MCPH1: variants seen among roughly 807,000 people sequenced by gnomAD.
MCPH1 encodes microcephalin.
MCPH1 carries 104 observed loss-of-function variants against 84.5 expected under a neutral mutation model. The ratio of observed to expected loss-of-function variants is 1.23; its 90% CI spans 1.05 to 1.45. The LOEUF (loss-of-function observed/expected upper bound fraction) is 1.45. MCPH1 is among the 40% of genes most tolerant of loss of function. The pLI is 0.00. For synonymous variants in MCPH1, 514 were observed against 366.8 expected, an observed-to-expected ratio of 1.40 and a Z score of -4.58; for missense variants, 1,498 against 1,005.7, an observed-to-expected ratio of 1.49 and a Z score of -6.62.
intron 11 of MCPH1, among the ~76,000 whole-genome samples, chr8:6,491,238 A>C (rs1216758821): frequency 6.6e-6 from 1 of 151,584 alleles, no homozygotes; most frequent in African/African-American, 2.4e-5. Flanking sequence ...TTGCCATACA[A>C]TTAAAGTATT....
chr8:6,578,990 G>T (rs1163203951), intron 12 of MCPH1, among the ~76,000 whole-genome samples: 1 of 152,214 alleles, frequency 6.6e-6, no homozygotes. Context: ...CAGAACAGTG[G>T]AGCTGCATGA....
chr8:6,409,411 C>G (rs1465092463), intron 2 of MCPH1, 41 bp downstream of exon 2: 1 of 1,461,140 alleles, frequency 6.8e-7, no homozygotes, highest in Non-Finnish European at 9.6e-7. Context: ...TGACAGTCTT[C>G]TGATTGGTAA....
chr8:6,637,234 G>A (rs559176348), intron 13 of MCPH1, among the ~76,000 whole-genome samples: 1 of 152,242 alleles, frequency 6.6e-6, no homozygotes, highest in African/African-American at 2.4e-5. Context: ...GAGAAGACAG[G>A]CAGCAAACAA....
intron 12 of MCPH1, chr8:6,532,574 TAAAAAA>T: frequency 3.4e-6 from 2 of 589,544 alleles, no homozygotes; most frequent in Non-Finnish European, 2.5e-6. Context: ...TCCCTATCTT[TAAAAAA>T]AAAAAAAAAA....
intron 12 of MCPH1, among the ~76,000 whole-genome samples, chr8:6,540,240 C>G (rs1472242270): frequency 1.3e-5 from 2 of 152,156 alleles, no homozygotes; most frequent in East Asian, 3.9e-4. Context: ...CATTTTACCT[C>G]TTTGTGTGTT....
chr8:6,592,455 A>G (rs970287616), intron 12 of MCPH1, among the ~76,000 whole-genome samples: 20 of 151,484 alleles, frequency 1.3e-4, no homozygotes, highest in African/African-American at 4.9e-4. Context: ...TTCATAAATT[A>G]AATCTTGTAA....
Position 6,646,928 on chromosome 8 carries a change from G to C in MCPH1, c.*3879G>C, listed in dbSNP as rs1210915259. 1 of 151,694 alleles carries C rather than the reference G, an allele frequency of 6.6e-6. No homozygotes were observed. The highest frequency in any genetic ancestry group is 1.5e-5 in the Non-Finnish European group (1 of 67,948). 9.4% of individuals were successfully genotyped at this position (151,694 alleles called of 1,614,324 possible). A position where few individuals can be genotyped will look rare whatever the true frequency, so the allele number is the denominator to read the frequency against. ...AGCTTTCTTAGATATGACACTAAAG[G>C]CATAATTCATTAAAAAAATAAGTTG... On this transcript the variant is annotated 3_prime_UTR_variant, in exon 14 of 14. Transcript: ENST00000344683.
chr8:6,627,062 T>TC, intron 13 of MCPH1: 6 of 985,254 alleles, frequency 6.1e-6, no homozygotes, highest in Non-Finnish European at 7.2e-6. Flanking sequence ...ATGTCCCATG[T>TC]CGATGTTTTC....
At chr8:6,627,956 C>G (rs773928580) in intron 13 of MCPH1, among the ~76,000 whole-genome samples, 42 of 151,888 alleles carry the variant, frequency 2.8e-4, no homozygotes, top group Non-Finnish European at 5.1e-4. Context: ...AAAAAATTAA[C>G]TAACTGCTAG....
rs1798184108 is a variant in MCPH1 at position 6,409,160 on chromosome 8, A to G, written c.23-119A>G. 14 of 830,864 alleles carry G rather than the reference A, an allele frequency of 1.7e-5. No homozygotes were observed. In the South Asian group the frequency reaches 1.9e-4, roughly 11 times the overall value. The allele number at this position is 830,864 out of a possible 1,614,324, so 51.5% of individuals were successfully genotyped here. A position where few individuals can be genotyped will look rare whatever the true frequency, so the allele number is the denominator to read the frequency against. On this transcript the variant is annotated intron_variant, in intron 1 of 13. Coordinates refer to ENST00000344683, the MANE Select transcript of MCPH1 (RefSeq NM_024596.5). ...TTCCGCCTCCCACAGTGCTGGGATT[A>G]CAGGCGTGAGCCACTGTGCCGGCCT... is the stretch of plus-strand genomic sequence containing the variant.
chr8:6,504,694 A>G (rs1812924685), intron 12 of MCPH1, among the ~76,000 whole-genome samples: 1 of 152,184 alleles, frequency 6.6e-6, no homozygotes, highest in Admixed American at 6.5e-5. Flanking sequence ...TAAGGATGCT[A>G]AGATCTATAG....
intron 12 of MCPH1, chr8:6,521,239 C>G: frequency 6.2e-7 from 1 of 1,613,908 alleles, no homozygotes; most frequent in Non-Finnish European, 8.5e-7. Flanking sequence ...CATGTTGCTG[C>G]TTCTGAAGAA....
At chr8:6,521,107 T>A in intron 12 of MCPH1, 1 of 1,251,790 alleles carries the variant, frequency 8.0e-7, no homozygotes, top group African/African-American at 1.5e-5. Flanking sequence ...AGGTGAGAAT[T>A]TTTTAGTCTT....
intron 3 of MCPH1, among the ~76,000 whole-genome samples, chr8:6,425,422 A>G (rs1461009953): frequency 2.0e-5 from 3 of 152,190 alleles, no homozygotes; most frequent in African/African-American, 7.2e-5. Flanking sequence ...TAGCAGCTTT[A>G]ATGTGTTACC....
In MCPH1 at chr8:6,643,285, G is replaced by C. The variant is rs1798051990; in HGVS notation, c.*236G>C. 1.9e-6 allele frequency: 1 copy of C among 530,192 alleles called. No individual in the cohort carries two copies. The highest frequency in any genetic ancestry group is 1.9e-5 in the African/African-American group (1 of 52,450). The allele number at this position is 530,192 out of a possible 1,614,324, so 32.8% of individuals were successfully genotyped here. On this transcript the variant is annotated 3_prime_UTR_variant, in exon 14 of 14. Coordinates refer to ENST00000344683, the MANE Select transcript of MCPH1 (RefSeq NM_024596.5). ...TTTTATTTTATTTTTTATTTTTTGA[G>C]ACGGAGTCCTGCCCTGTTTCCCAGG... is the stretch of plus-strand genomic sequence containing the variant.
At chr8:6,565,475 G>A (rs56112478) in intron 12 of MCPH1, among the ~76,000 whole-genome samples, 9,634 of 152,204 alleles carry the variant, frequency 0.063, 353 homozygotes, top group East Asian at 0.12. Flanking sequence ...TGCCCAGGCT[G>A]GTCTTGAACT....
chr8:6,624,123 C>A (rs1011869272), intron 13 of MCPH1, among the ~76,000 whole-genome samples: 1 of 152,198 alleles, frequency 6.6e-6, no homozygotes, highest in Non-Finnish European at 1.5e-5. Flanking sequence ...TTTTGCCGCT[C>A]GGCTCTCCCG....
chr8:6,575,784 G>A (rs188823716), intron 12 of MCPH1, among the ~76,000 whole-genome samples: 3 of 152,162 alleles, frequency 2.0e-5, no homozygotes, highest in Admixed American at 1.3e-4. Context: ...ACAGATACAG[G>A]AGGAACGCCT....
At chr8:6,517,345 G>T (rs924074150) in intron 12 of MCPH1, among the ~76,000 whole-genome samples, 1 of 152,138 alleles carries the variant, frequency 6.6e-6, no homozygotes, top group East Asian at 1.9e-4. Flanking sequence ...ATTAAGTGAC[G>T]GGTTAAATAG....
Sources: gnomAD v4.1 joint callset for allele counts (sites outside exome capture counted in the v4.1 genomes callset) on GRCh38, gnomAD v4.1.1 for gene constraint, MANE v1.5 for transcripts, NCBI Gene and HGNC (gene_info 2026-07-23, HGNC 2026-07-21) for gene names.